The following SLK variants were observed in gnomAD, a reference collection of about 807,000 sequenced individuals.
The protein encoded by SLK is STE20-like serine/threonine-protein kinase.
A neutral mutation model predicts 147.7 loss-of-function variants in SLK; 67 were observed. The ratio of observed to expected loss-of-function variants is 0.45; its 90% CI spans 0.37 to 0.56. The LOEUF (loss-of-function observed/expected upper bound fraction) is 0.56. Among genes scored for constraint, SLK ranks in the 20% least tolerant of loss-of-function variants. The probability of loss-of-function intolerance (pLI) is 0.00; values close to 1 mark genes in which losing one functional copy is unlikely to be tolerated. For missense variants in SLK, 1,136 were observed against 1,438.8 expected (o/e 0.79, Z 3.41); for synonymous variants, 441 against 475.0 (o/e 0.93, Z 0.93).
intron 11 of SLK, among the ~76,000 whole-genome samples, chr10:104,007,830 T>C (rs955176992): frequency 2.0e-5 from 3 of 151,338 alleles, no homozygotes; most frequent in Non-Finnish European, 2.9e-5. Flanking sequence ...GCATGCACTG[T>C]AGTCCCAGCT....
chr10:104,021,781 C>CTACCCAGCT (rs1163743960), intron 18 of SLK, 48 bp downstream of exon 18: 2 of 973,642 alleles, frequency 2.1e-6, no homozygotes, highest in Non-Finnish European at 3.2e-6. Flanking sequence ...ACTCGTCCGT[C>CTACCCAGCT]TACCCAGCTA....
chr10:104,006,033 A>G lies in SLK; in HGVS notation c.2602A>G (p.Met868Val), dbSNP rs766510971. ...TTTCCGGCGCTTTGAGCAGGAAATG[A>G]TGGTAAAGTCTGATTGTTATACCAT... is the stretch of plus-strand genomic sequence containing the variant. Reference protein sequence around the residue: ...QIFRRFEQEMMSKKRQYDQEI... With the variant: ...QIFRRFEQEMVSKKRQYDQEI... Residue 868 changes from methionine to valine, a missense_variant and splice_region_variant, in exon 11 of 19, where the codon ATG (methionine) becomes GTG (valine). Physicochemically the swap from Met to Val is conservative, Grantham distance 21 (BLOSUM62 1). Coordinates refer to ENST00000369755, the MANE Select transcript of SLK (RefSeq NM_014720.4). 3.0e-5 allele frequency: 48 copies of G among 1,611,732 alleles called. No individual in the cohort carries two copies. The highest frequency in any genetic ancestry group is 4.0e-5 in the Non-Finnish European group (47 of 1,179,386).
In SLK at chr10:104,002,957, G is replaced by A. The variant is rs765976390; in HGVS notation, c.1779G>A (p.Glu593=). ...TTAATAAGCCCATGGTGGGTCCTGAGGCTGGTGGTACTAAGGAAGTTCCTA... is the reference window on the plus strand; with the variant it reads ...TTAATAAGCCCATGGTGGGTCCTGAAGCTGGTGGTACTAAGGAAGTTCCTA... ...KLINKPMVGP[E]AGGTKEVPIK... Residue 593 remains glutamate (E), a synonymous_variant, in exon 9 of 19, where the codon GAG becomes GAA. Coordinates refer to ENST00000369755, the MANE Select transcript of SLK (RefSeq NM_014720.4). 1 of 1,614,034 alleles carries A rather than the reference G, an allele frequency of 6.2e-7. No homozygotes were observed. Among genetic ancestry groups the A allele is most frequent in the Non-Finnish European group, 8.5e-7 (1 of 1,179,956 alleles).
At position 103,974,136 on chromosome 10, in the gene SLK, T is replaced by C. The variant is rs574975253; in HGVS notation, c.150+6241T>C. Among the ~76,000 whole-genome samples, 15 of 152,274 alleles carry C rather than the reference T, an allele frequency of 9.9e-5. No individual in the cohort carries two copies. In the South Asian group the frequency reaches 2.9e-3, roughly 29 times the overall value. The stretch of plus-strand genomic sequence containing the variant: ...TTGGTCCTTTCAATCCAAAGACTTA[T>C]GTCCTTCAGTTCTGTGACATTTTCT... On this transcript the variant is annotated intron_variant, in intron 1 of 18. Coordinates refer to ENST00000369755, the MANE Select transcript of SLK (RefSeq NM_014720.4).
chr10:103,967,171 G>C lies in SLK; in HGVS notation c.-575G>C, dbSNP rs1014570776. 1 of 151,316 alleles carries C rather than the reference G, an allele frequency of 6.6e-6. No homozygotes were observed. Among genetic ancestry groups the C allele is most frequent in the Non-Finnish European group, 1.5e-5 (1 of 67,850 alleles). The allele number at this position is 151,316 out of a possible 1,614,324, so 9.4% of individuals were successfully genotyped here. A position where few individuals can be genotyped will look rare whatever the true frequency, so the allele number is the denominator to read the frequency against. ...GGCGTCGGCGCGCGCTCCAGGCCGA[G>C]GCTGTGTGGGCTGGGGAGGGAGACA... On this transcript the variant is annotated 5_prime_UTR_variant, in exon 1 of 19. Coordinates refer to ENST00000369755, the MANE Select transcript of SLK (RefSeq NM_014720.4).
intron 4 of SLK, among the ~76,000 whole-genome samples, chr10:103,993,494 T>G (rs1844127151): frequency 6.6e-6 from 1 of 152,122 alleles, no homozygotes; most frequent in African/African-American, 2.4e-5. Flanking sequence ...GCTAACTCAG[T>G]TTTTTCTTTA....
chr10:104,018,379 T>C (rs1844491980), intron 14 of SLK, 90 bp downstream of exon 14: 1 of 1,233,474 alleles, frequency 8.1e-7, no homozygotes, highest in Admixed American at 2.6e-5. Flanking sequence ...TTAAAATTTC[T>C]TCTTGCCCTG....
chr10:103,992,141 G>GGTTTTTTTTTTT (rs778490896), intron 2 of SLK, among the ~76,000 whole-genome samples: 1 of 91,792 alleles, frequency 1.1e-5, no homozygotes, highest in Non-Finnish European at 2.1e-5. Context: ...TATTTCTTCT[G>GGTTTTTTTTTTT]TTTTTTTTTT....
In SLK at chr10:103,967,201, G is replaced by C. The variant is rs1311592159; in HGVS notation, c.-545G>C. The C allele has an allele frequency of 6.6e-6, 1 of 152,044 alleles. No individual in the cohort carries two copies. The highest frequency in any genetic ancestry group is 1.5e-5 in the Non-Finnish European group (1 of 68,358). The allele number at this position is 152,044 out of a possible 1,614,324, so 9.4% of individuals were successfully genotyped here. On this transcript the variant is annotated 5_prime_UTR_variant, in exon 1 of 19. Coordinates refer to ENST00000369755, the MANE Select transcript of SLK (RefSeq NM_014720.4). ...TGTGGGCTGGGGAGGGAGACAGGCG[G>C]CGGCGGCGGCGCCCCAGACCCGAGG...
Position 104,025,748 on chromosome 10 carries a change from TG to T in SLK, c.*30del, listed in dbSNP as rs1438797692. 1.2e-6 allele frequency: 2 copies of T among 1,606,610 alleles called. No homozygotes were observed. The highest frequency in any genetic ancestry group is 2.7e-5 in the African/African-American group (2 of 74,878). On this transcript the variant is annotated 3_prime_UTR_variant, in exon 19 of 19. Transcript: ENST00000369755. ...AAGGGAAGCATTCTGTGCGTGGGTT[TG>T]GCTCTTTCAGTATGTCATTCTGTTC...
rs1844081015 is a variant in SLK, at chr10:103,990,701, A to G, written c.177A>G (p.Leu59=). The change falls in exon 2 of 19, where the codon TTA becomes TTG. Residue 59 remains leucine (L), a synonymous_variant. Transcript: ENST00000369755. Reference sequence around the variant, plus strand: ...CCCAGAATAAAGAGACCAGTGTTTTAGCTGCTGCAAAAGTGATTGACACTA... The same window carrying G: ...CCCAGAATAAAGAGACCAGTGTTTTGGCTGCTGCAAAAGTGATTGACACTA... ...YKAQNKETSV[L]AAAKVIDTKS... The G allele has an allele frequency of 3.2e-6, 5 of 1,568,076 alleles. No individual in the cohort carries two copies. Among genetic ancestry groups the G allele is most frequent in the Non-Finnish European group, 3.4e-6 (4 of 1,161,332 alleles).
At position 104,018,215 on chromosome 10, in the gene SLK, T is replaced by A. The variant is rs143790863; in HGVS notation, c.2933T>A (p.Ile978Asn). The stretch of plus-strand genomic sequence containing the variant: ...GAATTAGATGGCTCTCTGAAAAAGA[T>A]CATCCAGCAGCAGAAGGCAGAGTTA... ...QQELDGSLKK[I>N]IQQQKAELAN... Residue 978 changes from isoleucine (I) to asparagine (N), a missense_variant, in exon 14 of 19, where the codon ATC (isoleucine) becomes AAC (asparagine). Ile to Asn is a moderately radical substitution (Grantham distance 149). Transcript: ENST00000369755. The A allele has an allele frequency of 3.7e-6, 6 of 1,607,750 alleles. No individual in the cohort carries two copies. The highest frequency in any genetic ancestry group is 1.3e-5 in the African/African-American group (1 of 74,392).
At chr10:103,973,314 GC>G (rs1843818555) in intron 1 of SLK, among the ~76,000 whole-genome samples, 1 of 152,114 alleles carries the variant, frequency 6.6e-6, no homozygotes, top group African/African-American at 2.4e-5. Context: ...GCTCTGCAGT[GC>G]CCTGTTATGT....
chr10:103,979,055 G>A (rs1589526412), intron 1 of SLK, among the ~76,000 whole-genome samples: 1 of 151,882 alleles, frequency 6.6e-6, no homozygotes, highest in Admixed American at 6.6e-5. Context: ...TCACTCTGTC[G>A]CCCAGGCAGG....
At chr10:103,990,471 A>G (rs1844077731) in intron 1 of SLK, among the ~76,000 whole-genome samples, 1 of 151,978 alleles carries the variant, frequency 6.6e-6, no homozygotes, top group Non-Finnish European at 1.5e-5. Flanking sequence ...TGAACCTAAA[A>G]CTTTCCTTTA....
At chr10:103,997,244 G>A (rs957872092) in intron 4 of SLK, among the ~76,000 whole-genome samples, 5 of 152,254 alleles carry the variant, frequency 3.3e-5, no homozygotes, top group Non-Finnish European at 5.9e-5. Flanking sequence ...ACGTTGTAGC[G>A]TATTTCAAGT....
chr10:103,981,719 G>A (rs1843945809), intron 1 of SLK, among the ~76,000 whole-genome samples: 1 of 151,274 alleles, frequency 6.6e-6, no homozygotes, highest in Non-Finnish European at 1.5e-5. Flanking sequence ...GGACTGCACT[G>A]TTTTGATTAC....
chr10:104,018,101 A>C lies in SLK; in HGVS notation c.2878-59A>C, dbSNP rs573074167. On this transcript the variant is annotated intron_variant, in intron 13 of 18. Transcript: ENST00000369755. ...ACCACTAATATATACAGCCATATAGATAAATGGATGTTTAGTTCATTAGAT... is the reference window on the plus strand; with the variant it reads ...ACCACTAATATATACAGCCATATAGCTAAATGGATGTTTAGTTCATTAGAT... 14 of 1,385,898 alleles carry C rather than the reference A, an allele frequency of 1.0e-5. No individual in the cohort carries two copies. In the African/African-American group the frequency reaches 1.8e-4, roughly 18 times the overall value. 85.9% of individuals were successfully genotyped at this position (1,385,898 alleles called of 1,614,324 possible).
At chr10:104,005,770 A>G in intron 10 of SLK, 79 bp downstream of exon 10, 3 of 1,511,018 alleles carry the variant, frequency 2.0e-6, no homozygotes, top group Non-Finnish European at 2.7e-6. Context: ...ATAGAGAAAC[A>G]AGGGTAAATT....
Sources: allele counts gnomAD v4.1 joint callset (sites outside exome capture counted in the v4.1 genomes callset), GRCh38; gene constraint gnomAD v4.1.1; transcripts MANE v1.5; gene names NCBI Gene and HGNC (gene_info 2026-07-23, HGNC 2026-07-21).